Variants in RBKS observed in about 807,000 individuals in gnomAD.
The protein encoded by RBKS is ribokinase.
RBKS carries 33 observed loss-of-function variants against 33.9 expected under a neutral mutation model. The ratio of observed to expected loss-of-function variants is 0.97; its 90% confidence interval spans 0.74 to 1.30. RBKS has a LOEUF of 1.30. Ranked by LOEUF, RBKS falls within the 50% of genes most tolerant of loss-of-function variation. The pLI, the probability that RBKS is intolerant of heterozygous loss-of-function variation, is 0.00. For synonymous variants in RBKS, 125 were observed against 143.0 expected (o/e 0.87, Z 0.90); for missense variants, 361 against 392.6 (o/e 0.92, Z 0.68).
intron 1 of RBKS, chr2:27,870,752 C>T (rs1335560254): frequency 4.3e-6 from 2 of 461,868 alleles, no homozygotes; most frequent in Non-Finnish European, 8.8e-6. Context: ...ATGGCAGCCA[C>T]TCTGTCCATG....
At chr2:27,865,136 C>T (rs566887224) in intron 1 of RBKS, among the ~76,000 whole-genome samples, 3 of 152,086 alleles carry the variant, frequency 2.0e-5, no homozygotes, top group Non-Finnish European at 4.4e-5. Flanking sequence ...CTGGCTAACA[C>T]GGTGAAACCT....
intron 7 of RBKS, among the ~76,000 whole-genome samples, chr2:27,794,120 AG>A (rs754582509): frequency 6.6e-6 from 1 of 151,936 alleles, no homozygotes; most frequent in East Asian, 1.9e-4. Flanking sequence ...ACTAACATGG[AG>A]AAACCCCATC....
chr2:27,851,576 T>C (rs1435668708), intron 2 of RBKS, among the ~76,000 whole-genome samples: 2 of 152,110 alleles, frequency 1.3e-5, no homozygotes, highest in African/African-American at 4.8e-5. Context: ...TTCGCTCTTG[T>C]TGCCCAAGCT....
intron 6 of RBKS, 38 bp from the exon 7 acceptor site, chr2:27,827,793 A>G (rs1198306155): frequency 1.3e-6 from 2 of 1,488,936 alleles, no homozygotes; most frequent in Non-Finnish European, 1.8e-6. Context: ...AGTGGTGAAA[A>G]TAAGTAACCT....
At chr2:27,879,863 A>G (rs1474315102) in intron 1 of RBKS, among the ~76,000 whole-genome samples, 1 of 152,166 alleles carries the variant, frequency 6.6e-6, no homozygotes, top group Non-Finnish European at 1.5e-5. Context: ...TACCAACTAA[A>G]AAATAGGCCA....
At chr2:27,826,813 T>C (rs1214636430) in intron 7 of RBKS, among the ~76,000 whole-genome samples, 1 of 152,216 alleles carries the variant, frequency 6.6e-6, no homozygotes, top group East Asian at 1.9e-4. Context: ...TCTGTAGCCA[T>C]GGCTTGTTCA....
At chr2:27,881,775 AC>A (rs1664421407) in intron 1 of RBKS, among the ~76,000 whole-genome samples, 1 of 152,124 alleles carries the variant, frequency 6.6e-6, no homozygotes, top group South Asian at 2.1e-4. Flanking sequence ...CATACCTACA[AC>A]CATCTGATCT....
rs1410549407 is a variant in RBKS, at chr2:27,781,450, AAG to A, written c.*163_*164del. 1.7e-6 allele frequency: 1 copy of A among 589,264 alleles called. No individual in the cohort carries two copies. The highest frequency in any genetic ancestry group is 3.4e-5 in the Admixed American group (1 of 29,122). The allele number at this position is 589,264 out of a possible 1,614,324, so 36.5% of individuals were successfully genotyped here. A position where few individuals can be genotyped will look rare whatever the true frequency, so the allele number is the denominator to read the frequency against. ...TTTTGTGCAAATGCATGGAAAGCAA[AAG>A]AATCATCGTTATAAATAAATTGAAG... On this transcript the variant is annotated 3_prime_UTR_variant, in exon 8 of 8. Coordinates refer to ENST00000302188, the MANE Select transcript of RBKS (RefSeq NM_022128.3).
chr2:27,793,895 A>G (rs544124687), intron 7 of RBKS, among the ~76,000 whole-genome samples: 34 of 152,382 alleles, frequency 2.2e-4, no homozygotes, highest in Middle Eastern at 6.8e-3. Context: ...AGAGAAAGCA[A>G]TAAAACAAAT....
intron 7 of RBKS, among the ~76,000 whole-genome samples, chr2:27,803,181 G>T (rs1359563125): frequency 3.3e-5 from 5 of 152,122 alleles, no homozygotes; most frequent in Admixed American, 2.6e-4. Context: ...CTATCATAAG[G>T]ATGAGATCAC....
rs1240178770 is a variant in RBKS at position 27,810,970 on chromosome 2, G to A, written c.795+16597C>T. Among the ~76,000 whole-genome samples the A allele has an allele frequency of 6.6e-6, 1 of 152,162 alleles. No homozygotes were observed. The highest frequency in any genetic ancestry group is 2.4e-5 in the African/African-American group (1 of 41,430). ...TCAGAAGTGTGAATTCTCAGAAGTGGCAAAGGAAGCCCTTTACAACCCAAC... is the reference window on the plus strand; with the variant it reads ...TCAGAAGTGTGAATTCTCAGAAGTGACAAAGGAAGCCCTTTACAACCCAAC... On this transcript the variant is annotated intron_variant, in intron 7 of 7. Transcript: ENST00000302188. This position sits in a 1 kb window ranked among gnomAD's most constrained non-coding sequence, Gnocchi z 4.4.
intron 4 of RBKS, among the ~76,000 whole-genome samples, chr2:27,845,730 A>G (rs890766568): frequency 5.9e-5 from 9 of 152,200 alleles, no homozygotes; most frequent in Non-Finnish European, 1.0e-4. Flanking sequence ...TAAAAATACC[A>G]TATTTTCTGT....
At chr2:27,883,559 T>C (rs919791605) in intron 1 of RBKS, among the ~76,000 whole-genome samples, 8 of 152,108 alleles carry the variant, frequency 5.3e-5, no homozygotes, top group Admixed American at 1.3e-4. Context: ...TATAAACAAG[T>C]CATCAAAATA....
chr2:27,820,396 T>G (rs1558541153), intron 7 of RBKS, among the ~76,000 whole-genome samples: 1 of 152,218 alleles, frequency 6.6e-6, no homozygotes, highest in Non-Finnish European at 1.5e-5. Flanking sequence ...CACTACATTA[T>G]TATTCATATT....
intron 1 of RBKS, among the ~76,000 whole-genome samples, chr2:27,861,871 T>A (rs575264113): frequency 6.0e-4 from 91 of 151,946 alleles, no homozygotes; most frequent in Middle Eastern, 6.8e-3. Flanking sequence ...TCCAAGCTGG[T>A]CTTGAACTCC....
At chr2:27,867,401 G>A (rs1664122856) in intron 1 of RBKS, among the ~76,000 whole-genome samples, 2 of 152,202 alleles carry the variant, frequency 1.3e-5, no homozygotes, top group African/African-American at 4.8e-5. Flanking sequence ...ATGTATGACA[G>A]AGGCCCAAGG....
At position 27,871,684 on chromosome 2, in the gene RBKS, T is replaced by A. The variant is rs539729064; in HGVS notation, c.90-13113A>T. Among the ~76,000 whole-genome samples the A allele has an allele frequency of 9.8e-5, 15 of 152,330 alleles. No homozygotes were observed. In the East Asian group the frequency reaches 2.9e-3, roughly 29 times the overall value. Reference sequence around the variant, plus strand: ...GCTAAAATAACTGTTGGATTCTGACTTAAGGCCTGCTACCAGATGCAGCTG... The same window carrying A: ...GCTAAAATAACTGTTGGATTCTGACATAAGGCCTGCTACCAGATGCAGCTG... On this transcript the variant is annotated intron_variant, in intron 1 of 7. Coordinates refer to ENST00000302188, the MANE Select transcript of RBKS (RefSeq NM_022128.3).
chr2:27,878,977 A>G (rs1197371593), intron 1 of RBKS, among the ~76,000 whole-genome samples: 1 of 152,088 alleles, frequency 6.6e-6, no homozygotes, highest in Non-Finnish European at 1.5e-5. Flanking sequence ...GCCTTTCATC[A>G]CCACTGTATA....
At position 27,835,276 on chromosome 2, in the gene RBKS, C is replaced by CA. The variant is rs35739589; in HGVS notation, c.515-2500dup. On this transcript the variant is annotated intron_variant, in intron 5 of 7. Transcript: ENST00000302188. The stretch of plus-strand genomic sequence containing the variant: ...GGGCAACAAGAGCGAAACTCTGTCT[C>CA]AAAAAAAAAAAAAAGAAAAAAAAGA... Among the ~76,000 whole-genome samples, 656 of 115,722 alleles carry CA rather than the reference C, an allele frequency of 5.7e-3. 1 individual carries two copies. Among genetic ancestry groups the CA allele is most frequent in the African/African-American group, 6.6e-3 (217 of 33,016 alleles). The allele number at this position is 115,722 out of a possible 152,430, so 75.9% of individuals were successfully genotyped here.
Sources: gnomAD v4.1 joint callset for allele counts (sites outside exome capture counted in the v4.1 genomes callset) on GRCh38, gnomAD v4.1.1 for gene constraint, Gnocchi (gnomAD v3.1) non-coding constraint, MANE v1.5 for transcripts, NCBI Gene and HGNC (gene_info 2026-07-23, HGNC 2026-07-21) for gene names.